Variants in WWP2 observed in about 807,000 individuals in gnomAD.
WWP2 encodes the protein NEDD4-like E3 ubiquitin-protein ligase WWP2.
Under a neutral mutation model 121.0 loss-of-function variants are expected in WWP2, and 57 were observed. That is an observed-to-expected ratio of 0.47 (90% CI 0.38 to 0.59). The LOEUF is 0.59. Among genes scored for constraint, WWP2 ranks in the 20% least tolerant of loss-of-function variants. The pLI is 0.00. For missense variants in WWP2, 962 were observed against 1,158.9 expected (o/e 0.83, Z 2.47); for synonymous variants, 449 against 441.3 (o/e 1.02, Z -0.22).
Position 69,925,619 on chromosome 16 carries a change from G to A in WWP2, c.1234+135G>A. 1.6e-6 allele frequency: 2 copies of A among 1,215,436 alleles called. No homozygotes were observed. The highest frequency in any genetic ancestry group is 2.3e-6 in the Non-Finnish European group (2 of 887,872). 75.3% of individuals were successfully genotyped at this position (1,215,436 alleles called of 1,614,324 possible). A position where few individuals can be genotyped will look rare whatever the true frequency, so the allele number is the denominator to read the frequency against. On this transcript the variant is annotated intron_variant, in intron 11 of 23. Coordinates refer to ENST00000359154, the MANE Select transcript of WWP2 (RefSeq NM_001270454.2). The surrounding 1 kb of genome is among the most constrained non-coding windows in gnomAD (Gnocchi z 4.0). ...CTCCCCTCTCCAGCACACTCTCTGG[G>A]CATGCCCCACCAGAGCAATTACAGG... is the stretch of plus-strand genomic sequence containing the variant.
chr16:69,809,611 A>G (rs2056349137), intron 4 of WWP2, among the ~76,000 whole-genome samples: 1 of 152,136 alleles, frequency 6.6e-6, no homozygotes, highest in African/African-American at 2.4e-5. Context: ...TACTAAAAAT[A>G]CAAAAAATTA....
At chr16:69,862,081 T>C (rs2057431900) in intron 6 of WWP2, among the ~76,000 whole-genome samples, 1 of 152,230 alleles carries the variant, frequency 6.6e-6, no homozygotes, top group Non-Finnish European at 1.5e-5. Context: ...TTTGTTTGTT[T>C]TGAGACAGAC....
chr16:69,861,279 C>T (rs2057413676), intron 6 of WWP2, among the ~76,000 whole-genome samples: 2 of 152,210 alleles, frequency 1.3e-5, no homozygotes, highest in Admixed American at 1.3e-4. Flanking sequence ...TTTGGGAGGG[C>T]ATTTGAGCAC....
Position 69,782,662 on chromosome 16 carries a change from C to T in WWP2, c.-15-4334C>T, listed in dbSNP as rs369997102. ...TCCAGTGGAAGTAAAATGCTTATTA[C>T]AGACTAGTCTAGAAAAACTAGCCAC... On this transcript the variant is annotated intron_variant, in intron 1 of 23. Transcript: ENST00000359154. Among the ~76,000 whole-genome samples the T allele has an allele frequency of 7.2e-5, 11 of 152,240 alleles. No homozygotes were observed. The East Asian group carries it at 1.5e-3, about 21-fold the overall frequency.
intron 9 of WWP2, among the ~76,000 whole-genome samples, chr16:69,912,955 A>AATATATATAT (rs1567427338): frequency 1.8e-3 from 15 of 8,318 alleles, no homozygotes; most frequent in Non-Finnish European, 2.5e-3. Context: ...AAAAAAAAAA[A>AATATATATAT]ATATATATAT....
intron 6 of WWP2, among the ~76,000 whole-genome samples, chr16:69,842,719 G>A (rs2057002208): frequency 6.6e-6 from 1 of 152,024 alleles, no homozygotes; most frequent in South Asian, 2.1e-4. Context: ...GCCTACGCTG[G>A]AGTGCTATGG....
intron 11 of WWP2, among the ~76,000 whole-genome samples, chr16:69,928,942 G>C (rs1213663195): frequency 6.6e-6 from 1 of 152,182 alleles, no homozygotes; most frequent in Non-Finnish European, 1.5e-5. Context: ...GCAGAGCACT[G>C]ATCAGAGAGG....
chr16:69,873,643 C>T (rs1157585165), intron 7 of WWP2, among the ~76,000 whole-genome samples: 3 of 152,340 alleles, frequency 2.0e-5, no homozygotes, highest in Non-Finnish European at 4.4e-5. Flanking sequence ...CCATAGGCAG[C>T]TCTGCGAGCA....
chr16:69,920,111 T>G (rs2058537531), intron 10 of WWP2, among the ~76,000 whole-genome samples: 1 of 152,152 alleles, frequency 6.6e-6, no homozygotes, highest in South Asian at 2.1e-4. Flanking sequence ...CCCCCGACTT[T>G]TAATCATCAG....
At chr16:69,931,963 T>A (rs1008285621) in intron 16 of WWP2, 73 bp downstream of exon 16, 2 of 1,402,172 alleles carry the variant, frequency 1.4e-6, no homozygotes, top group Non-Finnish European at 2.0e-6. Flanking sequence ...GCCAGAAAGC[T>A]GCCTGCCCCC....
Position 69,910,585 on chromosome 16 carries a change from A to G in WWP2, c.1004+1735A>G, listed in dbSNP as rs55922317. On this transcript the variant is annotated intron_variant, in intron 9 of 23. Transcript: ENST00000359154. ...CCACTATGCCCAACTAATTTTTTGTATTTTTAGTAGAGACAGGGTTTCACC... is the reference window on the plus strand; with the variant it reads ...CCACTATGCCCAACTAATTTTTTGTGTTTTTAGTAGAGACAGGGTTTCACC... 2.3e-3 allele frequency among the ~76,000 whole-genome samples: 349 copies of G among 152,060 alleles called. 3 individuals carry two copies. Among genetic ancestry groups the G allele is most frequent in the Middle Eastern group, 3.4e-3 (1 of 292 alleles).
In WWP2 at chr16:69,780,269, T is replaced by C. The variant is rs572507580; in HGVS notation, c.-15-6727T>C. Among the ~76,000 whole-genome samples, 1,194 of 152,110 alleles carry C rather than the reference T, an allele frequency of 7.8e-3. 15 individuals are homozygous for C. The highest frequency in any genetic ancestry group is 0.026 in the African/African-American group (1,061 of 41,494). Reference sequence around the variant, plus strand: ...CTGCCACTTGCCTTTTTTTTTTTTTTCCCCTCTTGGCATTATCATTTGGGA... The same window carrying C: ...CTGCCACTTGCCTTTTTTTTTTTTTCCCCCTCTTGGCATTATCATTTGGGA... On this transcript the variant is annotated intron_variant, in intron 1 of 23. Transcript: ENST00000359154.
At chr16:69,802,924 T>C (rs2056201137) in intron 4 of WWP2, among the ~76,000 whole-genome samples, 1 of 152,098 alleles carries the variant, frequency 6.6e-6, no homozygotes, top group Admixed American at 6.6e-5. Context: ...TTATTATGTA[T>C]GTGCAAATAT....
At chr16:69,776,456 A>G (rs1256376667) in intron 1 of WWP2, among the ~76,000 whole-genome samples, 1 of 152,234 alleles carries the variant, frequency 6.6e-6, no homozygotes, top group East Asian at 1.9e-4. Flanking sequence ...TAGATGCTCA[A>G]TAAATATTTG....
At chr16:69,893,410 C>T (rs1306254603) in intron 8 of WWP2, among the ~76,000 whole-genome samples, 1 of 152,004 alleles carries the variant, frequency 6.6e-6, no homozygotes, top group East Asian at 1.9e-4. Context: ...TTTTTTGCCT[C>T]TTTGATGCCT....
intron 4 of WWP2, among the ~76,000 whole-genome samples, chr16:69,812,532 G>A (rs1214849966): frequency 8.8e-5 from 13 of 147,920 alleles, no homozygotes; most frequent in Admixed American, 8.2e-4. Context: ...AGGCTGGAGT[G>A]CAGTGGTGTG....
chr16:69,778,263 C>T (rs2055584307), intron 1 of WWP2, among the ~76,000 whole-genome samples: 1 of 137,308 alleles, frequency 7.3e-6, no homozygotes, highest in South Asian at 2.2e-4. Context: ...ACTTTCCCAT[C>T]CCCCTCCCAA....
intron 4 of WWP2, among the ~76,000 whole-genome samples, chr16:69,838,276 C>T (rs957751539): frequency 2.0e-5 from 3 of 151,928 alleles, no homozygotes; most frequent in South Asian, 2.1e-4. Flanking sequence ...GACTGATGCT[C>T]AGGTTAGGTA....
chr16:69,860,455 G>A (rs778804032), intron 6 of WWP2, among the ~76,000 whole-genome samples: 25 of 152,168 alleles, frequency 1.6e-4, no homozygotes, highest in Non-Finnish European at 3.1e-4. Context: ...CAATTAGGAT[G>A]TTATGAGAGA....
Sources: allele counts gnomAD v4.1 joint callset (sites outside exome capture counted in the v4.1 genomes callset), GRCh38; gene constraint gnomAD v4.1.1; non-coding constraint Gnocchi (gnomAD v3.1); transcripts MANE v1.5; gene names NCBI Gene and HGNC (gene_info 2026-07-23, HGNC 2026-07-21).